Variants in GRIP1 observed in about 807,000 individuals in gnomAD.
GRIP1 encodes glutamate receptor interacting protein 1.
In GRIP1, 45 loss-of-function variants were observed where a neutral mutation model predicts 129.9. The observed-to-expected ratio is 0.35, with a 90% CI of 0.27 to 0.44. The LOEUF (loss-of-function observed/expected upper bound fraction) is 0.44. GRIP1 is among the 20% of genes least tolerant of loss of function. GRIP1 has a pLI of 1.00. For synonymous variants in GRIP1, 530 were observed against 520.8 expected (o/e 1.02, Z -0.24); for missense variants, 1,196 against 1,396.8 (o/e 0.86, Z 2.29).
intron 1 of GRIP1, among the ~76,000 whole-genome samples, chr12:66,979,252 A>AAAC (rs1555257219): frequency 0.021 from 2,297 of 108,884 alleles, 127 homozygotes; most frequent in Non-Finnish European, 0.031. Context: ...AAAAAAAAAA[A>AAAC]AACAAGCCCG....
intron 15 of GRIP1, among the ~76,000 whole-genome samples, chr12:66,412,767 G>C (rs975001904): frequency 6.6e-6 from 1 of 152,036 alleles, no homozygotes; most frequent in Non-Finnish European, 1.5e-5. Flanking sequence ...ACACACATAG[G>C]CTCAAAATAA....
intron 9 of GRIP1, 37 bp from the exon 10 acceptor site, chr12:66,456,379 C>A: frequency 8.4e-7 from 1 of 1,191,682 alleles, no homozygotes; most frequent in Non-Finnish European, 1.1e-6. Flanking sequence ...ATAAGAAAAA[C>A]AAACGAACAA....
chr12:66,406,509 G>A (rs2057195954), intron 15 of GRIP1, 81 bp from the exon 16 acceptor site: 1 of 1,298,140 alleles, frequency 7.7e-7, no homozygotes, highest in African/African-American at 1.4e-5. Flanking sequence ...GCATAATGCA[G>A]CATTATGGTA....
intron 1 of GRIP1, among the ~76,000 whole-genome samples, chr12:67,026,881 T>C (rs752620019): frequency 1.3e-5 from 2 of 152,196 alleles, no homozygotes; most frequent in African/African-American, 2.4e-5. Flanking sequence ...GAATTTGTTG[T>C]GAATTCCCAT....
At chr12:66,619,623 G>T (rs1035256890) in intron 1 of GRIP1, among the ~76,000 whole-genome samples, 1 of 152,038 alleles carries the variant, frequency 6.6e-6, no homozygotes, top group Admixed American at 6.6e-5. Flanking sequence ...ATCAATGAGG[G>T]TTACACAATG....
In GRIP1 at chr12:66,722,620, A is replaced by G. The variant is rs1192171898; in HGVS notation, c.-420+81433T>C. ...ATGGTGTTGATAGATTAGCTCAACC[A>G]TCAATTAATAAAAAACACATTTTCT... is the stretch of plus-strand genomic sequence containing the variant. On this transcript the variant is annotated intron_variant, in intron 1 of 4. Transcript: ENST00000538373. Among the ~76,000 whole-genome samples the G allele has an allele frequency of 2.6e-5, 4 of 152,240 alleles. No homozygotes were observed. In the South Asian group the frequency reaches 8.3e-4, roughly 31 times the overall value.
chr12:66,987,087 T>C (rs1028878109), intron 1 of GRIP1, among the ~76,000 whole-genome samples: 1 of 151,964 alleles, frequency 6.6e-6, no homozygotes, highest in Non-Finnish European at 1.5e-5. Context: ...GTGAAATACA[T>C]GGGAATAGAG....
chr12:66,353,713 C>CT (rs1476106059), intron 23 of GRIP1, 150 bp from the exon 24 acceptor site: 9 of 746,528 alleles, frequency 1.2e-5, no homozygotes, highest in Admixed American at 2.0e-5. Flanking sequence ...ATCCTGCAGC[C>CT]TTTTTTTCCC....
chr12:66,807,893 C>A (rs188815324), upstream of GRIP1, among the ~76,000 whole-genome samples: 226 of 152,036 alleles, frequency 1.5e-3, 1 homozygote, highest in South Asian at 0.016. Context: ...GACTAATACA[C>A]TTCTGAATTT....
intron 2 of GRIP1, among the ~76,000 whole-genome samples, chr12:66,587,940 T>C (rs1296808074): frequency 9.2e-5 from 14 of 152,236 alleles, no homozygotes; most frequent in Admixed American, 4.6e-4. Context: ...AGCCCAGTAA[T>C]AGGTTTTAGA....
chr12:66,688,055 G>A (rs1418499347), intron 1 of GRIP1, among the ~76,000 whole-genome samples: 4 of 152,170 alleles, frequency 2.6e-5, no homozygotes, highest in Non-Finnish European at 5.9e-5. Flanking sequence ...ATAGAGTCGA[G>A]GGATGGAGAG....
intron 7 of GRIP1, among the ~76,000 whole-genome samples, chr12:66,498,148 G>A (rs931842786): frequency 3.3e-5 from 5 of 152,058 alleles, no homozygotes; most frequent in Non-Finnish European, 4.4e-5. Context: ...GACTCAGCCC[G>A]CCTGCACCCA....
At chr12:67,057,096 G>A (rs899671758) in intron 1 of GRIP1, among the ~76,000 whole-genome samples, 4 of 152,090 alleles carry the variant, frequency 2.6e-5, no homozygotes, top group East Asian at 1.9e-4. Flanking sequence ...AATTACAGGC[G>A]TGAGCCACCG....
chr12:66,693,707 G>GA (rs1223780208), intron 1 of GRIP1, among the ~76,000 whole-genome samples: 1 of 152,052 alleles, frequency 6.6e-6, no homozygotes, highest in African/African-American at 2.4e-5. Context: ...GCCCATTCAT[G>GA]AAAAAATTTC....
intron 7 of GRIP1, among the ~76,000 whole-genome samples, chr12:66,483,476 G>T (rs1247181771): frequency 6.6e-6 from 1 of 152,138 alleles, no homozygotes; most frequent in African/African-American, 2.4e-5. Context: ...TGTATTGCAA[G>T]AAGAGTACAA....
intron 1 of GRIP1, among the ~76,000 whole-genome samples, chr12:66,748,027 A>G (rs971110891): frequency 6.7e-6 from 1 of 149,958 alleles, no homozygotes; most frequent in Non-Finnish European, 1.5e-5. Flanking sequence ...GTGTGTGTGT[A>G]TTTTTTTTTG....
At chr12:66,948,004 A>C (rs1453095259) in intron 1 of GRIP1, among the ~76,000 whole-genome samples, 1 of 152,172 alleles carries the variant, frequency 6.6e-6, no homozygotes, top group African/African-American at 2.4e-5. Context: ...GCTGCTTATC[A>C]GACTCCTTTA....
rs370737291 is a variant in GRIP1 at position 66,919,919 on chromosome 12, T to G, written c.58+149131A>C. Among the ~76,000 whole-genome samples, 13 of 152,116 alleles carry G rather than the reference T, an allele frequency of 8.5e-5. No homozygotes were observed. The East Asian group carries it at 2.1e-3, about 25-fold the overall frequency. ...GTTAAAATATTTATAGATGTACTTA[T>G]CTGTACATTGAATATATTATATAAT... On this transcript the variant is annotated intron_variant, in intron 1 of 1. Transcript: ENST00000643019.
At chr12:66,545,341 G>C (rs909489608) in intron 2 of GRIP1, among the ~76,000 whole-genome samples, 3 of 152,100 alleles carry the variant, frequency 2.0e-5, no homozygotes, top group Non-Finnish European at 4.4e-5. Context: ...TAACAGTGAT[G>C]GTTGGCAAAC....
Sources: gnomAD v4.1 joint callset for allele counts (sites outside exome capture counted in the v4.1 genomes callset) on GRCh38, gnomAD v4.1.1 for gene constraint, MANE v1.5 for transcripts, NCBI Gene and HGNC (gene_info 2026-07-23, HGNC 2026-07-21) for gene names.